The following TMEM51 variants were observed in gnomAD, a reference collection of about 807,000 sequenced individuals.
The protein encoded by TMEM51 is transmembrane protein 51, also known as chromosome 1 open reading frame 72.
Under a neutral mutation model 13.6 loss-of-function variants are expected in TMEM51, and 8 were observed. That is an observed-to-expected ratio of 0.59 (90% CI 0.35 to 1.07). TMEM51 has a LOEUF of 1.07. Ranked by LOEUF, TMEM51 falls within the 50% of genes least tolerant of loss-of-function variation. TMEM51 has a pLI of 0.02. For missense variants in TMEM51, 279 were observed against 330.7 expected, an observed-to-expected ratio of 0.84 and a Z score of 1.21; for synonymous variants, 147 against 144.4, an observed-to-expected ratio of 1.02 and a Z score of -0.13.
At chr1:15,186,942 C>T (rs944399548) in intron 1 of TMEM51, among the ~76,000 whole-genome samples, 11 of 152,306 alleles carry the variant, frequency 7.2e-5, no homozygotes, top group African/African-American at 2.6e-4. Context: ...GCCTCCTCCC[C>T]TTTGTGCTTG....
At chr1:15,159,807 G>A (rs773282625) in intron 1 of TMEM51, among the ~76,000 whole-genome samples, 12 of 151,944 alleles carry the variant, frequency 7.9e-5, no homozygotes, top group African/African-American at 1.5e-4. Flanking sequence ...CGCCTGCCTC[G>A]GCCTAGGCAT....
At chr1:15,204,194 G>A (rs1644208576) in intron 1 of TMEM51, among the ~76,000 whole-genome samples, 1 of 152,232 alleles carries the variant, frequency 6.6e-6, no homozygotes, top group South Asian at 2.1e-4. Context: ...ACGTGGGACA[G>A]GCTCCAGCTT....
intron 1 of TMEM51, among the ~76,000 whole-genome samples, chr1:15,173,242 C>T (rs539290920): frequency 8.2e-5 from 8 of 97,442 alleles, no homozygotes; most frequent in Admixed American, 6.5e-4. Flanking sequence ...TTTTTTGAAA[C>T]GGAGTTTCGC....
In TMEM51 at chr1:15,219,685, C is replaced by T. The variant is rs1644485966; in HGVS notation, c.704C>T (p.Pro235Leu). ...CCTCCCTCGATAGAGCCTTTGACTC[C>T]TCCACCGCAGTATGATGAAGTCCAG... ...VPPPSIEPLTPPPQYDEVQEK... is the reference protein window; with the variant it reads ...VPPPSIEPLTLPPQYDEVQEK... The change falls in exon 4 of 4, where the codon CCT becomes CTT. Residue 235 changes from proline (P) to leucine (L), a missense_variant. Transcript: ENST00000376008. 6.2e-7 allele frequency: 1 copy of T among 1,613,794 alleles called. No individual in the cohort carries two copies. The highest frequency in any genetic ancestry group is 1.3e-5 in the African/African-American group (1 of 74,940).
rs1228642428 is a variant in TMEM51, at chr1:15,210,487, T to C, written c.-266-3T>C. On this transcript the variant is annotated splice_polypyrimidine_tract_variant and splice_region_variant and intron_variant, in intron 1 of 3. Transcript: ENST00000376008. ...AAGCTGCATCTCTGTGGTTTTTTTA[T>C]AGGTGGATCTTTAACTCAAGACTAG... is the stretch of plus-strand genomic sequence containing the variant. The C allele has an allele frequency of 6.6e-6, 1 of 152,248 alleles. No homozygotes were observed. Among genetic ancestry groups the C allele is most frequent in the African/African-American group, 2.4e-5 (1 of 41,466 alleles). The allele number at this position is 152,248 out of a possible 1,614,324, so 9.4% of individuals were successfully genotyped here.
At chr1:15,162,630 A>T (rs547961230) in intron 1 of TMEM51, among the ~76,000 whole-genome samples, 2 of 152,226 alleles carry the variant, frequency 1.3e-5, no homozygotes, top group African/African-American at 4.8e-5. Context: ...CCATCAAAGG[A>T]TGAATGAATA....
intron 2 of TMEM51, among the ~76,000 whole-genome samples, chr1:15,213,072 G>A (rs1240375361): frequency 1.3e-5 from 2 of 152,260 alleles, no homozygotes; most frequent in Non-Finnish European, 1.5e-5. Flanking sequence ...ACACCCTGCT[G>A]TCTAATCCCA....
chr1:15,183,060 G>T (rs1336208954), intron 1 of TMEM51, among the ~76,000 whole-genome samples: 1 of 152,204 alleles, frequency 6.6e-6, no homozygotes, highest in Admixed American at 6.5e-5. Flanking sequence ...ACCACGCCCA[G>T]CCAATGGCTT....
intron 1 of TMEM51, among the ~76,000 whole-genome samples, chr1:15,160,296 C>A (rs943546366): frequency 6.6e-5 from 10 of 152,040 alleles, no homozygotes; most frequent in Admixed American, 2.6e-4. Context: ...TCTTTTGAGA[C>A]AGAGTGTCAC....
intron 1 of TMEM51, among the ~76,000 whole-genome samples, chr1:15,206,111 C>T (rs923015971): frequency 6.6e-6 from 1 of 151,862 alleles, no homozygotes; most frequent in Non-Finnish European, 1.5e-5. Context: ...GTGGTGTGTG[C>T]CTGTAGTCCC....
At chr1:15,212,493 C>A (rs1477607509) in intron 2 of TMEM51, among the ~76,000 whole-genome samples, 1 of 150,110 alleles carries the variant, frequency 6.7e-6, no homozygotes, top group Non-Finnish European at 1.5e-5. Flanking sequence ...GTCCCACGTA[C>A]AAGGCCTGCC....
intron 2 of TMEM51, among the ~76,000 whole-genome samples, 153 bp downstream of exon 2, chr1:15,210,715 G>T (rs531696289): frequency 5.9e-4 from 90 of 152,302 alleles, no homozygotes; most frequent in African/African-American, 2.0e-3. Flanking sequence ...ACCCCAGACT[G>T]CCCACCAAGC....
chr1:15,176,304 T>C (rs1244823639), intron 1 of TMEM51, among the ~76,000 whole-genome samples: 2 of 152,146 alleles, frequency 1.3e-5, no homozygotes, highest in Non-Finnish European at 2.9e-5. Context: ...AGAACACAGG[T>C]GTTCAGCCCT....
chr1:15,219,688 C>T lies in TMEM51; in HGVS notation c.707C>T (p.Pro236Leu). ...CCCTCGATAGAGCCTTTGACTCCTC[C>T]ACCGCAGTATGATGAAGTCCAGGAG... The part of the protein sequence containing the change: ...PPPSIEPLTP[P>L]PQYDEVQEKA... The change falls in exon 4 of 4, where the codon CCA becomes CTA. Residue 236 changes from proline to leucine, a missense_variant. By Grantham distance (98) the Pro-to-Leu change is moderately conservative. Transcript: ENST00000376008. The T allele has an allele frequency of 6.2e-7, 1 of 1,613,902 alleles. No individual in the cohort carries two copies.
chr1:15,157,792 G>T (rs1171898116), intron 1 of TMEM51, among the ~76,000 whole-genome samples: 3 of 152,182 alleles, frequency 2.0e-5, no homozygotes, highest in Non-Finnish European at 4.4e-5. Context: ...ATGTGTCTTT[G>T]GATGGCAGGC....
At chr1:15,179,642 C>T (rs1320421392) in intron 1 of TMEM51, among the ~76,000 whole-genome samples, 1 of 151,940 alleles carries the variant, frequency 6.6e-6, no homozygotes, top group African/African-American at 2.4e-5. Context: ...AATTAGCGGG[C>T]GTGGTGGCGC....
At chr1:15,160,886 C>T (rs149402524) in intron 1 of TMEM51, among the ~76,000 whole-genome samples, 3 of 149,466 alleles carry the variant, frequency 2.0e-5, no homozygotes, top group Admixed American at 6.7e-5. Flanking sequence ...GCTGATCCCC[C>T]ACGGGAGGCA....
Position 15,214,883 on chromosome 1 carries a change from C to T in TMEM51, c.-193-12C>T. 1.7e-6 allele frequency: 1 copy of T among 582,700 alleles called. No individual in the cohort carries two copies. The highest frequency in any genetic ancestry group is 3.0e-6 in the Non-Finnish European group (1 of 330,712). The allele number at this position is 582,700 out of a possible 1,614,324, so 36.1% of individuals were successfully genotyped here. On this transcript the variant is annotated splice_polypyrimidine_tract_variant and intron_variant, in intron 2 of 3. Coordinates refer to ENST00000376008, the MANE Select transcript of TMEM51 (RefSeq NM_001136218.2). ...CTGATCGTCCTCTCTGCTCTTTCTG[C>T]TTTCCTTCCAGGCCCTTCCACCGCA...
At chr1:15,158,569 A>G (rs1406131337) in intron 1 of TMEM51, among the ~76,000 whole-genome samples, 1 of 152,146 alleles carries the variant, frequency 6.6e-6, no homozygotes, top group African/African-American at 2.4e-5. Context: ...AAAAATCGGT[A>G]TTTGGCATGC....
Sources: allele counts gnomAD v4.1 joint callset (sites outside exome capture counted in the v4.1 genomes callset), GRCh38; gene constraint gnomAD v4.1.1; transcripts MANE v1.5; gene names NCBI Gene and HGNC (gene_info 2026-07-23, HGNC 2026-07-21).